The following BTNL8 variants were observed in gnomAD, a reference collection of about 807,000 sequenced individuals.
The protein encoded by BTNL8 is butyrophilin-like protein 8.
BTNL8 carries 22 observed loss-of-function variants against 36.1 expected under a neutral mutation model. The observed-to-expected ratio is 0.61, with a 90% CI of 0.44 to 0.87. The LOEUF is 0.87. Among genes scored for constraint, BTNL8 ranks in the 40% least tolerant of loss-of-function variants. The pLI, the probability that BTNL8 is intolerant of heterozygous loss-of-function variation, is 0.00. For synonymous variants in BTNL8, 203 were observed against 235.6 expected (o/e 0.86, Z 1.27); for missense variants, 526 against 616.9 (o/e 0.85, Z 1.56).
At chr5:180,902,778 G>C (rs1394995718) in intron 1 of BTNL8, among the ~76,000 whole-genome samples, 5 of 142,748 alleles carry the variant, frequency 3.5e-5, no homozygotes, top group Non-Finnish European at 7.5e-5. Context: ...TGCGGTGTTT[G>C]GTTTTTTGTT....
At chr5:180,940,760 T>G (rs547126205) in intron 3 of BTNL8, among the ~76,000 whole-genome samples, 1 of 152,062 alleles carries the variant, frequency 6.6e-6, no homozygotes, top group Non-Finnish European at 1.5e-5. Flanking sequence ...AAAGGATCAT[T>G]GGAGACTATT....
intron 2 of BTNL8, among the ~76,000 whole-genome samples, chr5:180,910,256 A>C (rs1757329818): frequency 6.6e-6 from 1 of 151,018 alleles, no homozygotes; most frequent in Non-Finnish European, 1.5e-5. Context: ...AAAGAAAAAA[A>C]AAAAGAGGAA....
intron 3 of BTNL8, among the ~76,000 whole-genome samples, chr5:180,919,583 C>G (rs151100627): frequency 9.9e-5 from 15 of 152,070 alleles, no homozygotes; most frequent in African/African-American, 3.1e-4. Context: ...TAATAAAAAG[C>G]AACCAAATCA....
intron 3 of BTNL8, among the ~76,000 whole-genome samples, chr5:180,929,002 A>G (rs1187392960): frequency 1.3e-5 from 2 of 152,212 alleles, no homozygotes; most frequent in Admixed American, 6.5e-5. Flanking sequence ...CCAAATCAAC[A>G]TAATATATAT....
chr5:180,938,386 G>A (rs1758757432), intron 3 of BTNL8, among the ~76,000 whole-genome samples: 3 of 152,170 alleles, frequency 2.0e-5, no homozygotes, highest in Admixed American at 1.3e-4. Context: ...AACACAAAAA[G>A]GTCCTCTACA....
intron 3 of BTNL8, among the ~76,000 whole-genome samples, chr5:180,942,092 T>G (rs981678396): frequency 1.3e-5 from 2 of 152,066 alleles, no homozygotes; most frequent in African/African-American, 4.8e-5. Context: ...ACAAATTCAG[T>G]AATGTTGCAG....
intron 1 of BTNL8, among the ~76,000 whole-genome samples, chr5:180,899,888 T>C (rs1756746905): frequency 6.6e-6 from 1 of 152,178 alleles, no homozygotes; most frequent in African/African-American, 2.4e-5. Context: ...ACACAGAACC[T>C]AGTATATAGG....
intron 3 of BTNL8, among the ~76,000 whole-genome samples, chr5:180,925,488 GAA>G (rs1561937759): frequency 6.6e-6 from 1 of 152,220 alleles, no homozygotes; most frequent in Non-Finnish European, 1.5e-5. Context: ...TGCCAGGAAA[GAA>G]TGGCATTATG....
chr5:180,946,375 A>C (rs536263565), intron 3 of BTNL8, among the ~76,000 whole-genome samples: 2 of 152,330 alleles, frequency 1.3e-5, no homozygotes, highest in South Asian at 4.1e-4. Context: ...CATCATTCAG[A>C]TGAATGGATA....
In BTNL8 at chr5:180,947,603, G is replaced by T; in HGVS notation, c.765G>T (p.Lys255Asn). The T allele has an allele frequency of 6.2e-7, 1 of 1,614,214 alleles. No individual in the cohort carries two copies. The highest frequency in any genetic ancestry group is 8.5e-7 in the Non-Finnish European group (1 of 1,180,038). ...CGLFFGIVGL[K>N]IFFSKFQWKI... is the part of the protein sequence containing the mutation. ...TATTTTTTGGCATTGTTGGACTGAA[G>T]ATTTTCTTCTCCAAATTCCAGTGTA... The change falls in exon 4 of 8, where the codon AAG (lysine) becomes AAT (asparagine). Residue 255 changes from lysine (K) to asparagine (N), a missense_variant. Lys to Asn is a moderately conservative substitution (Grantham distance 94, BLOSUM62 0). Around this residue, in one of 2 missense-constraint regions of BTNL8, gnomAD observed 350 missense variants for 324.6 expected, o/e 1.08. Transcript: ENST00000340184.
At chr5:180,945,730 C>T in intron 3 of BTNL8, 2 of 461,276 alleles carry the variant, frequency 4.3e-6, no homozygotes, top group Non-Finnish European at 8.8e-6. Flanking sequence ...TCTCTTCTTT[C>T]ACCTAGTTGC....
chr5:180,905,052 G>A (rs1399845471), intron 1 of BTNL8, among the ~76,000 whole-genome samples: 1 of 150,708 alleles, frequency 6.6e-6, no homozygotes, highest in Non-Finnish European at 1.5e-5. Context: ...AAATGAGTTA[G>A]GGAGGATTCC....
chr5:180,946,769 A>T (rs1363391115), intron 3 of BTNL8, among the ~76,000 whole-genome samples: 2 of 152,248 alleles, frequency 1.3e-5, no homozygotes, highest in Non-Finnish European at 2.9e-5. Context: ...TAAATGTCTC[A>T]TCATAAAAAT....
At chr5:180,944,713 C>A (rs1269148458) in intron 3 of BTNL8, among the ~76,000 whole-genome samples, 2 of 152,124 alleles carry the variant, frequency 1.3e-5, no homozygotes, top group African/African-American at 4.8e-5. Flanking sequence ...TTAGGTGATA[C>A]CTTAATTTGA....
At chr5:180,937,420 A>G (rs113534626) in intron 3 of BTNL8, among the ~76,000 whole-genome samples, 3,355 of 152,300 alleles carry the variant, frequency 0.022, 46 homozygotes, top group Middle Eastern at 0.051. Flanking sequence ...AAGCAGTTAC[A>G]TGGAAATTAT....
At chr5:180,922,026 G>A (rs1218146480) in intron 3 of BTNL8, among the ~76,000 whole-genome samples, 1 of 151,870 alleles carries the variant, frequency 6.6e-6, no homozygotes, top group African/African-American at 2.4e-5. Flanking sequence ...GTATTTTTTT[G>A]GCTCAGTGTA....
At chr5:180,906,136 A>G (rs1314804400) in intron 1 of BTNL8, among the ~76,000 whole-genome samples, 1 of 144,640 alleles carries the variant, frequency 6.9e-6, no homozygotes, top group Non-Finnish European at 1.5e-5. Context: ...AAAGTCTCCC[A>G]TTATTAATGT....
chr5:180,945,880 G>T (rs903930328), intron 3 of BTNL8: 3 of 393,606 alleles, frequency 7.6e-6, no homozygotes, highest in African/African-American at 2.0e-5. Flanking sequence ...AGCACGCAAA[G>T]GACATATGTT....
At chr5:180,920,213 A>C (rs1482316327) in intron 3 of BTNL8, among the ~76,000 whole-genome samples, 3 of 152,192 alleles carry the variant, frequency 2.0e-5, no homozygotes, top group Non-Finnish European at 4.4e-5. Context: ...ACCTAATAGT[A>C]ATTAAAACCA....
Sources: gnomAD v4.1 joint callset for allele counts (sites outside exome capture counted in the v4.1 genomes callset) on GRCh38, gnomAD v4.1.1 for gene constraint, gnomAD v4.1.1 regional missense constraint, MANE v1.5 for transcripts, NCBI Gene and HGNC (gene_info 2026-07-23, HGNC 2026-07-21) for gene names.